Variants in CRTAC1 observed in about 807,000 individuals in gnomAD.
CRTAC1 encodes the protein acidic secreted protein in cartilage.
A neutral mutation model predicts 67.8 loss-of-function variants in CRTAC1; 37 were observed. The ratio of observed to expected loss-of-function variants is 0.55; its 90% confidence interval spans 0.42 to 0.72. The LOEUF (loss-of-function observed/expected upper bound fraction) is 0.72, where lower values mean the gene tolerates loss of function less well. Ranked by LOEUF, CRTAC1 falls within the 30% of genes least tolerant of loss-of-function variation. CRTAC1 has a pLI of 0.00. For synonymous variants in CRTAC1, 348 were observed against 371.0 expected (o/e 0.94, Z 0.71); for missense variants, 780 against 931.6 (o/e 0.84, Z 2.12).
chr10:98,018,559 G>T (rs1193744568), intron 1 of CRTAC1, among the ~76,000 whole-genome samples: 1 of 152,158 alleles, frequency 6.6e-6, no homozygotes, highest in East Asian at 1.9e-4. Flanking sequence ...GGACTTTCCT[G>T]AATTGGGCCT....
chr10:97,945,909 C>T (rs1229888666), intron 2 of CRTAC1, among the ~76,000 whole-genome samples: 1 of 152,178 alleles, frequency 6.6e-6, no homozygotes, highest in African/African-American at 2.4e-5. Flanking sequence ...TTGATTTCGG[C>T]CTTGTTCTTA....
intron 11 of CRTAC1, among the ~76,000 whole-genome samples, chr10:97,889,519 G>T (rs893364621): frequency 1.3e-5 from 2 of 151,996 alleles, no homozygotes; most frequent in African/African-American, 4.8e-5. Context: ...ATGTCGCTAT[G>T]AGAGCTCTGC....
chr10:97,904,354 G>A (rs1290942963), intron 7 of CRTAC1, among the ~76,000 whole-genome samples: 2 of 152,178 alleles, frequency 1.3e-5, no homozygotes, highest in Admixed American at 6.5e-5. Flanking sequence ...ATGGCATGCC[G>A]GGGCACCCCT....
chr10:97,961,974 T>C (rs1472322793), intron 2 of CRTAC1, among the ~76,000 whole-genome samples: 1 of 152,238 alleles, frequency 6.6e-6, no homozygotes, highest in African/African-American at 2.4e-5. Flanking sequence ...CTCTCTTTTT[T>C]AGAGGTGTCT....
intron 2 of CRTAC1, among the ~76,000 whole-genome samples, chr10:97,990,287 T>C (rs1017421270): frequency 9.2e-5 from 14 of 152,220 alleles, no homozygotes; most frequent in African/African-American, 3.1e-4. Context: ...AAAAGGCTTA[T>C]AAATGCTACT....
intron 2 of CRTAC1, among the ~76,000 whole-genome samples, chr10:97,973,391 C>T (rs2051746264): frequency 6.6e-6 from 1 of 151,992 alleles, no homozygotes; most frequent in Non-Finnish European, 1.5e-5. Context: ...TGCCCCCCAC[C>T]CCGGCCCCCT....
In CRTAC1 at chr10:97,901,573, T is replaced by C. The variant is rs1489655397; in HGVS notation, c.1063A>G (p.Asn355Asp). ...AAGAAGATCTCCAGCTCCTGGTCATTGTCAAAGTCGGCGGTGATGACCGTG... is the reference window on the plus strand; with the variant it reads ...AAGAAGATCTCCAGCTCCTGGTCATCGTCAAAGTCGGCGGTGATGACCGTG... ...VRTVITADFD[N>D]DQELEIFFNN... is the part of the protein sequence containing the mutation. The change falls in exon 8 of 15, where the codon AAT becomes GAT. Residue 355 changes from asparagine to aspartate, a missense_variant. Physicochemically the swap from Asn to Asp is conservative, Grantham distance 23. Transcript: ENST00000370597. 1 of 1,614,162 alleles carries C rather than the reference T, an allele frequency of 6.2e-7. No individual in the cohort carries two copies. Among genetic ancestry groups the C allele is most frequent in the Admixed American group, 1.7e-5 (1 of 60,018 alleles).
Position 97,948,605 on chromosome 10 carries a change from T to C in CRTAC1, c.225-12239A>G, listed in dbSNP as rs72474881. Among the ~76,000 whole-genome samples the C allele has an allele frequency of 1.1e-4, 16 of 151,750 alleles. No individual in the cohort carries two copies. In the East Asian group the frequency reaches 3.1e-3, roughly 29 times the overall value. On this transcript the variant is annotated intron_variant, in intron 2 of 14. Coordinates refer to ENST00000370597, the MANE Select transcript of CRTAC1 (RefSeq NM_018058.7). ...TGTGCAGTAGGTCAGCAGAACAGAG[T>C]GTCATGTACCAGCTGATGGGTTGGG...
At chr10:97,892,264 T>C (rs2050386221) in intron 11 of CRTAC1, among the ~76,000 whole-genome samples, 1 of 152,174 alleles carries the variant, frequency 6.6e-6, no homozygotes, top group Admixed American at 6.5e-5. Flanking sequence ...CCTCTTAAAA[T>C]AGCAGAGGCT....
intron 2 of CRTAC1, among the ~76,000 whole-genome samples, chr10:98,010,801 A>G (rs2136694466): frequency 6.6e-6 from 1 of 152,332 alleles, no homozygotes; most frequent in East Asian, 1.9e-4. Context: ...CCACTGGTAA[A>G]GAAGTAATAT....
At chr10:97,946,605 C>T (rs1307878541) in intron 2 of CRTAC1, among the ~76,000 whole-genome samples, 2 of 152,190 alleles carry the variant, frequency 1.3e-5, no homozygotes, top group Non-Finnish European at 2.9e-5. Context: ...AAAGTGGCAT[C>T]TTGGGATCCA....
intron 2 of CRTAC1, among the ~76,000 whole-genome samples, chr10:97,972,900 T>C (rs2051738173): frequency 6.6e-6 from 1 of 151,776 alleles, no homozygotes; most frequent in African/African-American, 2.4e-5. Context: ...TTCCAAGGAT[T>C]TTTTTTTTCA....
At chr10:97,891,625 T>C (rs1008838358) in intron 11 of CRTAC1, among the ~76,000 whole-genome samples, 1 of 152,220 alleles carries the variant, frequency 6.6e-6, no homozygotes, top group Non-Finnish European at 1.5e-5. Flanking sequence ...TCTGCCTCTT[T>C]CCCCATGTCT....
Position 97,955,376 on chromosome 10 carries a change from G to A in CRTAC1, c.225-19010C>T, listed in dbSNP as rs182279454. 3.3e-5 allele frequency among the ~76,000 whole-genome samples: 5 copies of A among 152,264 alleles called. No individual in the cohort carries two copies. In the East Asian group the frequency reaches 7.7e-4, roughly 24 times the overall value. On this transcript the variant is annotated intron_variant, in intron 2 of 14. Coordinates refer to ENST00000370597, the MANE Select transcript of CRTAC1 (RefSeq NM_018058.7). ...GGATACTGCATAAGATTTTCTTTTT[G>A]TTTCAAAGGGTTACACTGAGAAAAT...
At position 97,865,481 on chromosome 10, in the gene CRTAC1, A is replaced by T; in HGVS notation, c.*67T>A. 2.5e-5 allele frequency: 38 copies of T among 1,545,782 alleles called. No individual in the cohort carries two copies. The highest frequency in any genetic ancestry group is 3.3e-5 in the Non-Finnish European group (38 of 1,138,794). On this transcript the variant is annotated 3_prime_UTR_variant, in exon 15 of 15. Coordinates refer to ENST00000370597, the MANE Select transcript of CRTAC1 (RefSeq NM_018058.7). ...GCCTTTACATCCCTACTGTCTAGGC[A>T]GCAGCACAAGCCCACTTTCCCACTC...
At chr10:97,907,850 T>C (rs571303922) in intron 6 of CRTAC1, among the ~76,000 whole-genome samples, 163 bp downstream of exon 6, 49 of 152,056 alleles carry the variant, frequency 3.2e-4, no homozygotes, top group African/African-American at 1.1e-3. Context: ...AGCTAAGGAA[T>C]AGGAAGTGAC....
intron 2 of CRTAC1, among the ~76,000 whole-genome samples, chr10:97,957,694 T>C (rs777456465): frequency 2.6e-5 from 4 of 152,156 alleles, no homozygotes; most frequent in African/African-American, 7.2e-5. Context: ...AGTGGATACA[T>C]TTTTGATGCA....
intron 14 of CRTAC1, among the ~76,000 whole-genome samples, chr10:97,872,494 G>A (rs1018698837): frequency 1.1e-4 from 16 of 152,060 alleles, no homozygotes; most frequent in Non-Finnish European, 2.2e-4. Context: ...CACCCCAGTC[G>A]GCCCTGCCTG....
At chr10:97,886,207 A>T (rs1015410429) in intron 11 of CRTAC1, among the ~76,000 whole-genome samples, 1 of 152,150 alleles carries the variant, frequency 6.6e-6, no homozygotes, top group African/African-American at 2.4e-5. Flanking sequence ...ACGCCTTGTG[A>T]GCCACATCCC....
Sources: gnomAD v4.1 joint callset for allele counts (sites outside exome capture counted in the v4.1 genomes callset) on GRCh38, gnomAD v4.1.1 for gene constraint, MANE v1.5 for transcripts, NCBI Gene and HGNC (gene_info 2026-07-23, HGNC 2026-07-21) for gene names.